XKR4: variants seen among roughly 807,000 people sequenced by gnomAD.
XKR4 encodes the protein XK related 4, also known as XK-related protein 4.
Under a neutral mutation model 53.9 loss-of-function variants are expected in XKR4, and 12 were observed. The observed-to-expected ratio is 0.22, with a 90% CI of 0.14 to 0.36. The LOEUF is 0.36. Ranked by LOEUF, XKR4 falls within the 10% of genes least tolerant of loss-of-function variation. The pLI is 1.00. For synonymous variants in XKR4, 354 were observed against 362.4 expected, an observed-to-expected ratio of 0.98 and a Z score of 0.26; for missense variants, 799 against 859.5, an observed-to-expected ratio of 0.93 and a Z score of 0.88.
At chr8:55,224,301 TATGGA>T (rs1817923626) in intron 1 of XKR4, among the ~76,000 whole-genome samples, 1 of 152,192 alleles carries the variant, frequency 6.6e-6, no homozygotes, top group Admixed American at 6.5e-5. Flanking sequence ...GAATTAAGAA[TATGGA>T]TAATTGTCAA....
chr8:55,116,024 G>C (rs1348528694), intron 1 of XKR4, among the ~76,000 whole-genome samples: 2 of 152,110 alleles, frequency 1.3e-5, no homozygotes, highest in Non-Finnish European at 2.9e-5. Context: ...ACCAAGAATA[G>C]AGAGTGAAGA....
Position 55,529,807 on chromosome 8 carries a change from C to T in XKR4, c.*5580C>T, listed in dbSNP as rs1439036625. 1 of 152,068 alleles carries T rather than the reference C, an allele frequency of 6.6e-6. No homozygotes were observed. Among genetic ancestry groups the T allele is most frequent in the Admixed American group, 6.6e-5 (1 of 15,260 alleles). 9.4% of individuals were successfully genotyped at this position (152,068 alleles called of 1,614,324 possible). On this transcript the variant is annotated 3_prime_UTR_variant, in exon 3 of 3. Transcript: ENST00000327381. ...AATTTTATTTAAAAGTCAAAGATGT[C>T]CTTCAAAATGAACAGTTAAAAATGT...
chr8:55,304,128 G>T (rs1226322608), intron 1 of XKR4, among the ~76,000 whole-genome samples: 1 of 152,044 alleles, frequency 6.6e-6, no homozygotes, highest in Non-Finnish European at 1.5e-5. Context: ...TTTCTCTTGT[G>T]GGCATTTAGT....
chr8:55,283,447 C>T (rs1818867329), intron 1 of XKR4, among the ~76,000 whole-genome samples: 2 of 152,208 alleles, frequency 1.3e-5, no homozygotes, highest in Admixed American at 1.3e-4. Flanking sequence ...ACACTTCCCT[C>T]ACAAGACTGT....
chr8:55,164,188 C>G (rs1454245825), intron 1 of XKR4: 1 of 456,532 alleles, frequency 2.2e-6, no homozygotes, highest in African/African-American at 2.0e-5. Context: ...ACACAGGTTG[C>G]CTCGTCCGCC....
At chr8:55,433,544 C>A (rs1033809051) in intron 2 of XKR4, among the ~76,000 whole-genome samples, 14 of 152,178 alleles carry the variant, frequency 9.2e-5, no homozygotes, top group Non-Finnish European at 1.9e-4. Context: ...AGAAGTTTCA[C>A]TTTCTATGAG....
At chr8:55,301,211 G>C (rs1252031023) in intron 1 of XKR4, among the ~76,000 whole-genome samples, 1 of 134,308 alleles carries the variant, frequency 7.4e-6, no homozygotes, top group Non-Finnish European at 1.5e-5. Context: ...TGTTCTCATT[G>C]TTCAATTCCC....
chr8:55,132,449 A>G (rs1482847644), intron 1 of XKR4, among the ~76,000 whole-genome samples: 1 of 152,206 alleles, frequency 6.6e-6, no homozygotes, highest in East Asian at 1.9e-4. Context: ...ACTGTAAGAG[A>G]TTAACAATAA....
intron 1 of XKR4, among the ~76,000 whole-genome samples, chr8:55,293,103 G>A (rs7842018): frequency 0.13 from 20,233 of 152,134 alleles, 1,534 homozygotes; most frequent in Non-Finnish European, 0.18. Context: ...AGGAAGCCGA[G>A]GCAGGCAGAT....
chr8:55,177,606 C>T (rs1817252570), intron 1 of XKR4, among the ~76,000 whole-genome samples: 1 of 152,190 alleles, frequency 6.6e-6, no homozygotes, highest in Admixed American at 6.5e-5. Flanking sequence ...GGCCTGTGAG[C>T]CCTGGCAGAC....
In XKR4 at chr8:55,536,474, G is replaced by A. The variant is rs1423267885; in HGVS notation, c.*12247G>A. ...AAATATCCTGATGAAAAGTGGCCAA[G>A]TAGATCACTCAAGTGGTAAATTTGG... On this transcript the variant is annotated 3_prime_UTR_variant, in exon 3 of 3. Coordinates refer to ENST00000327381, the MANE Select transcript of XKR4 (RefSeq NM_052898.2). 2.0e-5 allele frequency: 3 copies of A among 152,202 alleles called. No homozygotes were observed. Among genetic ancestry groups the A allele is most frequent in the Non-Finnish European group, 4.4e-5 (3 of 68,040 alleles). The allele number at this position is 152,202 out of a possible 1,614,324, so 9.4% of individuals were successfully genotyped here. A position where few individuals can be genotyped will look rare whatever the true frequency, so the allele number is the denominator to read the frequency against.
At position 55,115,942 on chromosome 8, in the gene XKR4, G is replaced by A. The variant is rs1472152967; in HGVS notation, c.806+12648G>A. On this transcript the variant is annotated intron_variant, in intron 1 of 2. Transcript: ENST00000327381. The stretch of plus-strand genomic sequence containing the variant: ...GGAGTCATCAAAGTGGACAGGAGGT[G>A]GTGAGAGAGGGACCAGGCCTTCACA... Among the ~76,000 whole-genome samples the A allele has an allele frequency of 2.0e-4, 31 of 152,174 alleles. 1 individual carries two copies. Among genetic ancestry groups the A allele is most frequent in the Admixed American group, 2.0e-3 (31 of 15,274 alleles).
intron 1 of XKR4, chr8:55,135,188 A>G (rs573341362): frequency 6.5e-6 from 1 of 154,554 alleles, no homozygotes; most frequent in South Asian, 2.0e-4. Context: ...GCCAAAAATC[A>G]CAATTACATT....
At chr8:55,269,573 G>A (rs1167436006) in intron 1 of XKR4, among the ~76,000 whole-genome samples, 1 of 152,162 alleles carries the variant, frequency 6.6e-6, no homozygotes, top group Non-Finnish European at 1.5e-5. Context: ...AGTGAGTGGA[G>A]AAAGAATGAA....
chr8:55,450,365 G>T (rs529894446), intron 2 of XKR4: 2 of 672,984 alleles, frequency 3.0e-6, no homozygotes, highest in African/African-American at 3.7e-5. Flanking sequence ...CTGTAGGGCC[G>T]CAGGACCTCT....
chr8:55,521,128 G>T (rs1806790076), intron 2 of XKR4, among the ~76,000 whole-genome samples: 1 of 152,230 alleles, frequency 6.6e-6, no homozygotes, highest in Admixed American at 6.5e-5. Flanking sequence ...GGGGAGGGGC[G>T]TTCCCGGGCA....
At chr8:55,512,933 T>C (rs1806651457) in intron 2 of XKR4, among the ~76,000 whole-genome samples, 1 of 152,148 alleles carries the variant, frequency 6.6e-6, no homozygotes, top group African/African-American at 2.4e-5. Context: ...GGGCTTCAGG[T>C]CTCAAGGTTC....
At chr8:55,448,857 T>C (rs148871299) in intron 2 of XKR4, among the ~76,000 whole-genome samples, 3 of 152,304 alleles carry the variant, frequency 2.0e-5, no homozygotes, top group Non-Finnish European at 4.4e-5. Context: ...CAGCCATGTA[T>C]ACAAATAAAG....
At chr8:55,197,371 T>C (rs1036840576) in intron 1 of XKR4, among the ~76,000 whole-genome samples, 1 of 152,204 alleles carries the variant, frequency 6.6e-6, no homozygotes, top group Non-Finnish European at 1.5e-5. Flanking sequence ...ATGAGCTGCT[T>C]GTTAAGGAAC....
Sources: gnomAD v4.1 joint callset for allele counts (sites outside exome capture counted in the v4.1 genomes callset) on GRCh38, gnomAD v4.1.1 for gene constraint, MANE v1.5 for transcripts, NCBI Gene and HGNC (gene_info 2026-07-23, HGNC 2026-07-21) for gene names.